The following NAAA variants were observed in gnomAD, a reference collection of about 807,000 sequenced individuals.
The protein encoded by NAAA is N-acylethanolamine acid amidase.
In NAAA, 39 loss-of-function variants were observed where a neutral mutation model predicts 44.8. The observed-to-expected ratio is 0.87, with a 90% confidence interval of 0.67 to 1.14. The LOEUF is 1.14. Among genes scored for constraint, NAAA ranks in the 50% most tolerant of loss-of-function variants. The pLI, the probability that NAAA is intolerant of heterozygous loss-of-function variation, is 0.00. For missense variants in NAAA, 460 were observed against 467.8 expected (o/e 0.98, Z 0.15); for synonymous variants, 178 against 191.3 (o/e 0.93, Z 0.58).
chr4:75,936,362 C>A, intron 2 of NAAA, 127 bp from the exon 3 acceptor site: 2 of 998,940 alleles, frequency 2.0e-6, no homozygotes, highest in Admixed American at 2.6e-5. Context: ...GATATATGTG[C>A]TATAATGCTT....
chr4:75,928,879 C>T (rs1726976933), intron 4 of NAAA, among the ~76,000 whole-genome samples: 1 of 151,938 alleles, frequency 6.6e-6, no homozygotes, highest in South Asian at 2.1e-4. Flanking sequence ...GCTCCACCTC[C>T]CGGGTTCACA....
Position 75,918,283 on chromosome 4 carries a change from CCCT to C in NAAA, c.998+475_998+477del, listed in dbSNP as rs1725815386. 2.6e-5 allele frequency among the ~76,000 whole-genome samples: 4 copies of C among 152,070 alleles called. No individual in the cohort carries two copies. The South Asian group carries it at 8.3e-4, about 31-fold the overall frequency. ...CCTGGCTAAAACGGTGAAACCCTGT[CCCT>C]ACTTAAAAAATACAAAAAATTAGCT... On this transcript the variant is annotated intron_variant, in intron 9 of 10. Coordinates refer to ENST00000286733, the MANE Select transcript of NAAA (RefSeq NM_014435.4).
chr4:75,918,721 G>A, intron 9 of NAAA, 40 bp downstream of exon 9: 1 of 1,601,720 alleles, frequency 6.2e-7, no homozygotes, highest in Non-Finnish European at 8.6e-7. Flanking sequence ...TCACTGTTCT[G>A]GAGTGATGTG....
intron 4 of NAAA, among the ~76,000 whole-genome samples, chr4:75,930,794 T>A (rs1298640015): frequency 6.6e-6 from 1 of 152,172 alleles, no homozygotes; most frequent in East Asian, 1.9e-4. Flanking sequence ...ACTACCCACT[T>A]ACTCCCATGC....
At chr4:75,927,633 G>GCCCCC (rs60371960) in intron 4 of NAAA, among the ~76,000 whole-genome samples, 5 of 95,764 alleles carry the variant, frequency 5.2e-5, no homozygotes, top group South Asian at 4.2e-4. Context: ...AATTTTTAAT[G>GCCCCC]CCCCCCCCCC....
At chr4:75,916,170 AG>A (rs1398190609) in intron 9 of NAAA, among the ~76,000 whole-genome samples, 1 of 152,238 alleles carries the variant, frequency 6.6e-6, no homozygotes, top group African/African-American at 2.4e-5. Flanking sequence ...GTAATTTTGC[AG>A]CATGGCACAA....
In NAAA at chr4:75,931,225, C is replaced by T; in HGVS notation, c.578G>A (p.Gly193Asp). The change falls in exon 4 of 11, where the codon GGT becomes GAT. Residue 193 changes from glycine (G) to aspartate (D), a missense_variant. Coordinates refer to ENST00000286733, the MANE Select transcript of NAAA (RefSeq NM_014435.4). ...TTTGTTTTGATTACCTCGTTCATCACCAGAAACTGTAAACTTGTGTGGGCT... is the reference window on the plus strand; with the variant it reads ...TTTGTTTTGATTACCTCGTTCATCATCAGAAACTGTAAACTTGTGTGGGCT... ...GQSPHKFTVS[G>D]DERDKGWWWE... 2 of 1,612,234 alleles carry T rather than the reference C, an allele frequency of 1.2e-6. No individual in the cohort carries two copies.
At chr4:75,934,267 T>G (rs1727509766) in intron 3 of NAAA, among the ~76,000 whole-genome samples, 1 of 151,846 alleles carries the variant, frequency 6.6e-6, no homozygotes, top group African/African-American at 2.4e-5. Flanking sequence ...GACTTATGCC[T>G]GCTTCACAGG....
chr4:75,927,633 GC>G (rs60371960), intron 4 of NAAA, among the ~76,000 whole-genome samples: 2,875 of 95,282 alleles, frequency 0.03, 72 homozygotes, highest in African/African-American at 0.066. Flanking sequence ...AATTTTTAAT[GC>G]CCCCCCCCCC....
downstream of NAAA, chr4:75,913,588 G>T: frequency 2.7e-6 from 2 of 750,752 alleles, no homozygotes; most frequent in Non-Finnish European, 3.2e-6. Context: ...TAAGAGAGTT[G>T]CTTTCTCAGG....
At chr4:75,913,569 C>T, downstream of NAAA, 3 of 621,146 alleles carry the variant, frequency 4.8e-6, no homozygotes, top group Non-Finnish European at 6.0e-6. Context: ...ACTTAAATAA[C>T]ATCACAACTA....
intron 7 of NAAA, among the ~76,000 whole-genome samples, chr4:75,920,464 G>A (rs1726041520): frequency 6.6e-6 from 1 of 152,148 alleles, no homozygotes; most frequent in Non-Finnish European, 1.5e-5. Context: ...AGAGGCCCGA[G>A]AGCCACCCAG....
intron 3 of NAAA, chr4:75,935,134 G>A (rs1408034327): frequency 6.6e-6 from 1 of 152,072 alleles, no homozygotes; most frequent in Non-Finnish European, 1.5e-5. Flanking sequence ...ATTGTTAATA[G>A]TGGCAAAGTA....
intron 2 of NAAA, chr4:75,939,705 G>A (rs964567662): frequency 4.2e-5 from 14 of 335,350 alleles, no homozygotes; most frequent in African/African-American, 2.9e-4. Flanking sequence ...GTGAGCCAAC[G>A]CGCCCGGCCT....
intron 2 of NAAA, among the ~76,000 whole-genome samples, chr4:75,936,484 A>G (rs145437361): frequency 1.3e-5 from 2 of 152,344 alleles, no homozygotes; most frequent in Non-Finnish European, 2.9e-5. Context: ...GGAGGGCATC[A>G]TAAGCATAGT....
At chr4:75,914,381 T>TC in intron 10 of NAAA, 43 bp from the exon 11 acceptor site, 1 of 843,088 alleles carries the variant, frequency 1.2e-6, no homozygotes, top group East Asian at 1.2e-4. Flanking sequence ...AAGACTGATT[T>TC]TTTTTTTTTT....
At chr4:75,935,785 T>C (rs1727649177) in intron 3 of NAAA, 6 of 391,812 alleles carry the variant, frequency 1.5e-5, no homozygotes, top group Admixed American at 4.5e-5. Context: ...AGCCCCTCCA[T>C]ATTCCAGAAG....
In NAAA at chr4:75,936,202, T is replaced by G; in HGVS notation, c.405A>C (p.Arg135Ser). The G allele has an allele frequency of 6.2e-7, 1 of 1,613,950 alleles. No individual in the cohort carries two copies. Among genetic ancestry groups the G allele is most frequent in the Non-Finnish European group, 8.5e-7 (1 of 1,179,924 alleles). Residue 135 changes from arginine to serine, a missense_variant, in exon 3 of 11, where the codon AGA (arginine) becomes AGC (serine). By Grantham distance (110) the Arg-to-Ser change is moderately radical (BLOSUM62 -1). Coordinates refer to ENST00000286733, the MANE Select transcript of NAAA (RefSeq NM_014435.4). ...AATTCCGACCATGGTAAATGTGGCC[T>G]CTGGAGTCTTGAGCCACAATACTGG... ...FCTSIVAQDS[R>S]GHIYHGRNLD...
intron 3 of NAAA, chr4:75,935,906 A>G: frequency 1.6e-6 from 1 of 631,936 alleles, no homozygotes; most frequent in Non-Finnish European, 2.7e-6. Flanking sequence ...CTTTAAGTAG[A>G]CACTGAATAA....
Sources: allele counts gnomAD v4.1 joint callset (sites outside exome capture counted in the v4.1 genomes callset), GRCh38; gene constraint gnomAD v4.1.1; transcripts MANE v1.5; gene names NCBI Gene and HGNC (gene_info 2026-07-23, HGNC 2026-07-21).